Variants in KLRG2 observed in about 807,000 individuals in gnomAD.
The protein encoded by KLRG2 is killer cell lectin-like receptor subfamily G member 2.
KLRG2 carries 39 observed loss-of-function variants against 35.4 expected under a neutral mutation model. The ratio of observed to expected loss-of-function variants is 1.10; its 90% CI spans 0.85 to 1.44. KLRG2 has a LOEUF of 1.44. Among genes scored for constraint, KLRG2 ranks in the 40% most tolerant of loss-of-function variants. KLRG2 has a pLI of 0.00. For synonymous variants in KLRG2, 283 were observed against 265.8 expected (o/e 1.06, Z -0.63); for missense variants, 632 against 570.9 (o/e 1.11, Z -1.09).
chr7:139,448,516 G>A (rs1398926622), downstream of KLRG2, among the ~76,000 whole-genome samples: 2 of 152,124 alleles, frequency 1.3e-5, no homozygotes, highest in African/African-American at 4.8e-5. Flanking sequence ...CATAGAAAAA[G>A]TACAGTAAAA....
intron 1 of KLRG2, 125 bp downstream of exon 1, chr7:139,482,761 G>C (rs1165222509): frequency 2.6e-5 from 21 of 815,280 alleles, no homozygotes; most frequent in Non-Finnish European, 3.4e-5. Context: ...GTTGGGGATC[G>C]GGATGGCCAA....
intron 3 of KLRG2, among the ~76,000 whole-genome samples, chr7:139,470,573 C>T (rs987192330): frequency 1.3e-5 from 2 of 152,156 alleles, no homozygotes; most frequent in Non-Finnish European, 2.9e-5. Context: ...GGGAGGATCG[C>T]TTGAGGCCAG....
Position 139,453,692 on chromosome 7 carries a change from G to A in KLRG2, c.1125C>T (p.Gly375=), listed in dbSNP as rs763794193. 5 of 1,614,088 alleles carry A rather than the reference G, an allele frequency of 3.1e-6. 1 individual carries two copies. Among genetic ancestry groups the A allele is most frequent in the East Asian group, 2.2e-5 (1 of 44,878 alleles). The change falls in exon 5 of 5, where the codon GGC becomes GGT. Residue 375 remains glycine, a synonymous_variant. Coordinates refer to ENST00000340940, the MANE Select transcript of KLRG2 (RefSeq NM_198508.4). The stretch of plus-strand genomic sequence containing the variant: ...CACAGTTGATATCCAGATTGTCCTC[G>A]CCGTCCTCAGGGAGTCTGGGAAAGG... ...PLPPQLLPED[G]EDNLDINCGA... is the part of the protein sequence containing the mutation.
Position 139,453,450 on chromosome 7 carries a change from C to T in KLRG2, c.*137G>A, listed in dbSNP as rs1207287715. 1 of 877,330 alleles carries T rather than the reference C, an allele frequency of 1.1e-6. No homozygotes were observed. Among genetic ancestry groups the T allele is most frequent in the East Asian group, 2.7e-5 (1 of 36,748 alleles). 54.3% of individuals were successfully genotyped at this position (877,330 alleles called of 1,614,324 possible). On this transcript the variant is annotated 3_prime_UTR_variant, in exon 5 of 5. Coordinates refer to ENST00000340940, the MANE Select transcript of KLRG2 (RefSeq NM_198508.4). Reference sequence around the variant, plus strand: ...GGTTGAAGTCCAGCTCCTAGGCTCGCTCATGTGGCCCCCTTGAGCAGAGCA... The same window carrying T: ...GGTTGAAGTCCAGCTCCTAGGCTCGTTCATGTGGCCCCCTTGAGCAGAGCA...
At chr7:139,442,936 C>T in the KLRG2 span, among the ~76,000 whole-genome samples, 3 of 151,850 alleles carry the variant, frequency 2.0e-5, no homozygotes, top group East Asian at 1.9e-4. Context: ...AAAAACGATA[C>T]ATTGGGATTG....
chr7:139,432,554 C>A, the KLRG2 span, among the ~76,000 whole-genome samples: 2 of 150,074 alleles, frequency 1.3e-5, no homozygotes, highest in Non-Finnish European at 3.0e-5. Context: ...ACCCCCCCCC[C>A]CCAATATTTT....
At chr7:139,454,324 A>G in intron 3 of KLRG2, 110 bp from the exon 4 acceptor site, 2 of 669,662 alleles carry the variant, frequency 3.0e-6, no homozygotes, top group South Asian at 3.3e-5. Flanking sequence ...ATCCAGAAGG[A>G]TCTGCTCAAG....
At chr7:139,460,776 T>C (rs1177216799) in intron 3 of KLRG2, among the ~76,000 whole-genome samples, 1 of 151,866 alleles carries the variant, frequency 6.6e-6, no homozygotes, top group East Asian at 1.9e-4. Context: ...CTGGCTAACA[T>C]GGTGAAACTC....
intron 3 of KLRG2, among the ~76,000 whole-genome samples, chr7:139,455,316 C>T (rs1333189686): frequency 6.7e-6 from 1 of 149,180 alleles, no homozygotes; most frequent in African/African-American, 2.5e-5. Flanking sequence ...CTGTACCCGG[C>T]CAAGATTTTT....
At chr7:139,480,518 T>C (rs527321003) in intron 1 of KLRG2, among the ~76,000 whole-genome samples, 39 of 141,360 alleles carry the variant, frequency 2.8e-4, no homozygotes, top group Middle Eastern at 3.7e-3. Context: ...CGATCTCGGC[T>C]CACTGCAACC....
At chr7:139,468,510 C>T (rs929689161) in intron 3 of KLRG2, among the ~76,000 whole-genome samples, 5 of 152,172 alleles carry the variant, frequency 3.3e-5, no homozygotes, top group African/African-American at 4.8e-5. Flanking sequence ...CCACTACCCA[C>T]CCAAATCCTA....
Position 139,480,228 on chromosome 7 carries a change from C to A in KLRG2, c.777G>T (p.Lys259Asn). The change falls in exon 2 of 5, where the codon AAG becomes AAT. Residue 259 changes from lysine to asparagine, a missense_variant. By Grantham distance (94) the Lys-to-Asn change is moderately conservative. Transcript: ENST00000340940. ...TGAACGCCAGGGCCCAGTACAGGGA[C>A]TTCACGTACATGGGTAGCCCTGGGA... ...VTLTGLPMYVKSLYWALAFMA... is the reference protein window; with the variant it reads ...VTLTGLPMYVNSLYWALAFMA... 1.9e-6 allele frequency: 3 copies of A among 1,610,240 alleles called. No homozygotes were observed. Among genetic ancestry groups the A allele is most frequent in the Non-Finnish European group, 2.5e-6 (3 of 1,176,724 alleles).
the KLRG2 span, among the ~76,000 whole-genome samples, chr7:139,429,258 A>G: frequency 9.2e-5 from 14 of 152,154 alleles, no homozygotes; most frequent in African/African-American, 3.1e-4. Context: ...GTGGGCTGAG[A>G]TTTTGCCACT....
the KLRG2 span, among the ~76,000 whole-genome samples, chr7:139,438,497 G>A: frequency 2.6e-5 from 4 of 152,136 alleles, no homozygotes; most frequent in African/African-American, 7.2e-5. Context: ...GATTAGAGGC[G>A]TGAGCCACTG....
chr7:139,453,318 A>C lies in KLRG2; in HGVS notation c.*269T>G. ...AACCAAGGCACAGAAATGCTAAACA[A>C]CCATCCCAATGTCATCAAACCGATC... On this transcript the variant is annotated 3_prime_UTR_variant, in exon 5 of 5. Transcript: ENST00000340940. 2.0e-6 allele frequency: 1 copy of C among 498,800 alleles called. No homozygotes were observed. The highest frequency in any genetic ancestry group is 3.5e-6 in the Non-Finnish European group (1 of 287,470). The allele number at this position is 498,800 out of a possible 1,614,324, so 30.9% of individuals were successfully genotyped here.
chr7:139,433,025 C>G, the KLRG2 span, among the ~76,000 whole-genome samples: 1 of 152,196 alleles, frequency 6.6e-6, no homozygotes, highest in African/African-American at 2.4e-5. Context: ...ACTATTCTGA[C>G]TTCGGACACC....
intron 3 of KLRG2, among the ~76,000 whole-genome samples, chr7:139,456,555 T>C (rs1164093446): frequency 1.3e-5 from 2 of 152,158 alleles, no homozygotes; most frequent in Non-Finnish European, 2.9e-5. Flanking sequence ...TTTCACCATG[T>C]TGGCCAGGCT....
intron 3 of KLRG2, among the ~76,000 whole-genome samples, chr7:139,475,301 G>A (rs1360525598): frequency 6.6e-6 from 1 of 152,156 alleles, no homozygotes; most frequent in African/African-American, 2.4e-5. Flanking sequence ...GGAGGCCGAG[G>A]CAGGCGGATC....
chr7:139,448,717 T>C (rs550131119), downstream of KLRG2: 1 of 135,270 alleles, frequency 7.4e-6, no homozygotes, highest in African/African-American at 3.1e-5. Context: ...ATAAATAAAA[T>C]AAAGTTTTTT....
Sources: allele counts gnomAD v4.1 joint callset (sites outside exome capture counted in the v4.1 genomes callset), GRCh38; gene constraint gnomAD v4.1.1; transcripts MANE v1.5; gene names NCBI Gene and HGNC (gene_info 2026-07-23, HGNC 2026-07-21).